SORCS2: variants seen among roughly 807,000 people sequenced by gnomAD.
The protein encoded by SORCS2 is VPS10 domain-containing receptor SorCS2.
In SORCS2, 100 loss-of-function variants were observed where a neutral mutation model predicts 141.6. The observed-to-expected ratio is 0.71, with a 90% CI of 0.60 to 0.83. SORCS2 has a LOEUF of 0.83. Ranked by LOEUF, SORCS2 falls within the 40% of genes least tolerant of loss-of-function variation. SORCS2 has a pLI of 0.00. For synonymous variants in SORCS2, 789 were observed against 676.9 expected, an observed-to-expected ratio of 1.17 and a Z score of -2.57; for missense variants, 1,646 against 1,560.2, an observed-to-expected ratio of 1.05 and a Z score of -0.93.
chr4:7,657,867 T>C (rs1721894965), intron 5 of SORCS2, among the ~76,000 whole-genome samples: 1 of 150,126 alleles, frequency 6.7e-6, no homozygotes, highest in Admixed American at 6.6e-5. Flanking sequence ...AGTGAATGAG[T>C]GAGTGAGTCA....
intron 1 of SORCS2, among the ~76,000 whole-genome samples, chr4:7,314,252 G>C (rs1718393671): frequency 6.6e-6 from 1 of 152,194 alleles, no homozygotes; most frequent in South Asian, 2.1e-4. Flanking sequence ...GGAGAACGAG[G>C]CAGCGGGATG....
intron 2 of SORCS2, among the ~76,000 whole-genome samples, chr4:7,462,072 G>A (rs1729348409): frequency 6.6e-6 from 1 of 152,230 alleles, no homozygotes; most frequent in Non-Finnish European, 1.5e-5. Context: ...GTGCAAGTGA[G>A]TGTAAGGGAG....
At position 7,572,873 on chromosome 4, in the gene SORCS2, A is replaced by G. The variant is rs1243484266; in HGVS notation, c.648+41244A>G. On this transcript the variant is annotated intron_variant, in intron 3 of 26. Transcript: ENST00000507866. ...AAGAGGTTAAGAAATTTTTATTTCCAGGATTTTAAGGACTGCACGTTTGAG... is the reference window on the plus strand; with the variant it reads ...AAGAGGTTAAGAAATTTTTATTTCCGGGATTTTAAGGACTGCACGTTTGAG... Among the ~76,000 whole-genome samples the G allele has an allele frequency of 6.6e-5, 10 of 152,386 alleles. No individual in the cohort carries two copies. The East Asian group carries it at 1.9e-3, about 29-fold the overall frequency.
At chr4:7,346,392 C>T (rs971264994) in intron 1 of SORCS2, among the ~76,000 whole-genome samples, 6 of 152,194 alleles carry the variant, frequency 3.9e-5, no homozygotes, top group African/African-American at 4.8e-5. Flanking sequence ...CCATTATGAT[C>T]AGAGAACATA....
intron 3 of SORCS2, among the ~76,000 whole-genome samples, chr4:7,608,066 C>T (rs542767515): frequency 6.6e-6 from 1 of 152,248 alleles, no homozygotes; most frequent in African/African-American, 2.4e-5. Flanking sequence ...AAGGAGGCCT[C>T]CACAGTGCCC....
At chr4:7,604,062 G>C (rs1262281931) in intron 3 of SORCS2, among the ~76,000 whole-genome samples, 1 of 152,158 alleles carries the variant, frequency 6.6e-6, no homozygotes, top group Non-Finnish European at 1.5e-5. Flanking sequence ...TGCTGTGTGT[G>C]TGTCGTGTGA....
intron 1 of SORCS2, among the ~76,000 whole-genome samples, chr4:7,238,391 T>C (rs1458952965): frequency 6.6e-6 from 1 of 152,190 alleles, no homozygotes; most frequent in East Asian, 1.9e-4. Context: ...TTAAATTTTT[T>C]TTAAGGTATA....
chr4:7,655,922 C>T (rs906811830), intron 5 of SORCS2, among the ~76,000 whole-genome samples: 2 of 152,210 alleles, frequency 1.3e-5, no homozygotes, highest in African/African-American at 2.4e-5. Context: ...ATAATTCAAA[C>T]GTGTTATTAT....
chr4:7,724,621 A>ATGGTGATGG (rs1484502315), intron 19 of SORCS2, among the ~76,000 whole-genome samples: 1 of 52,482 alleles, frequency 1.9e-5, no homozygotes, highest in African/African-American at 8.4e-5. Flanking sequence ...GCTGGTGAGG[A>ATGGTGATGG]TGGTGATGGT....
chr4:7,589,530 G>A (rs71601863), intron 3 of SORCS2, among the ~76,000 whole-genome samples: 9 of 152,158 alleles, frequency 5.9e-5, no homozygotes, highest in Non-Finnish European at 1.0e-4. Context: ...AGCCTCCCAA[G>A]TAGCTGGGAC....
chr4:7,676,166 G>A lies in SORCS2; in HGVS notation c.1278G>A (p.Leu426=), dbSNP rs1403773971. ...QSDPRGVRYA[L]VLQDVRSSRQ... Reference sequence around the variant, plus strand: ...ACCCACGGGGCGTGCGCTACGCGCTGGTGCTGCAGGACGTGCGCAGCTCAC... The same window carrying A: ...ACCCACGGGGCGTGCGCTACGCGCTAGTGCTGCAGGACGTGCGCAGCTCAC... Residue 426 remains leucine, a synonymous_variant, in exon 9 of 27, where the codon CTG becomes CTA. Transcript: ENST00000507866. 6.4e-7 allele frequency: 1 copy of A among 1,558,584 alleles called. No homozygotes were observed. The highest frequency in any genetic ancestry group is 1.9e-5 in the Admixed American group (1 of 51,848).
intron 1 of SORCS2, among the ~76,000 whole-genome samples, chr4:7,263,901 G>A (rs545604329): frequency 4.6e-5 from 7 of 152,184 alleles, no homozygotes; most frequent in Admixed American, 2.0e-4. Context: ...CGTTCCCACC[G>A]TGGGCCGTGG....
chr4:7,627,807 C>T (rs1683903335), intron 3 of SORCS2, among the ~76,000 whole-genome samples: 1 of 152,336 alleles, frequency 6.6e-6, no homozygotes, highest in Admixed American at 6.5e-5. Flanking sequence ...CAGCCATTCA[C>T]CAGTGTTGGT....
intron 5 of SORCS2, among the ~76,000 whole-genome samples, chr4:7,660,241 A>G (rs894382698): frequency 1.3e-5 from 2 of 152,178 alleles, no homozygotes; most frequent in African/African-American, 4.8e-5. Flanking sequence ...CAGGGCAATG[A>G]AACGGGGAGG....
intron 2 of SORCS2, among the ~76,000 whole-genome samples, chr4:7,416,872 TCAGA>T (rs944117741): frequency 4.6e-5 from 7 of 151,266 alleles, no homozygotes; most frequent in African/African-American, 9.7e-5. Context: ...TTGTGCATGC[TCAGA>T]CACACACATA....
intron 3 of SORCS2, among the ~76,000 whole-genome samples, chr4:7,556,760 C>G (rs562601672): frequency 6.6e-6 from 1 of 151,280 alleles, no homozygotes; most frequent in African/African-American, 2.4e-5. Flanking sequence ...CTACCTACCA[C>G]CCATTCACCC....
At chr4:7,724,636 A>ATGG (rs1425685131) in intron 19 of SORCS2, among the ~76,000 whole-genome samples, 3 of 128,276 alleles carry the variant, frequency 2.3e-5, no homozygotes, top group Non-Finnish European at 4.9e-5. Flanking sequence ...GATGGTGGTG[A>ATGG]TGGTGGAGGT....
intron 1 of SORCS2, among the ~76,000 whole-genome samples, chr4:7,395,936 C>T (rs1724182058): frequency 6.6e-6 from 1 of 152,200 alleles, no homozygotes; most frequent in Non-Finnish European, 1.5e-5. Context: ...GCTCCATCCT[C>T]ACATAGGGAC....
At chr4:7,665,675 T>C (rs2108927533) in intron 7 of SORCS2, among the ~76,000 whole-genome samples, 1 of 152,298 alleles carries the variant, frequency 6.6e-6, no homozygotes, top group East Asian at 1.9e-4. Flanking sequence ...TCCCTACACC[T>C]GACTCAGGCA....
Sources: allele counts gnomAD v4.1 joint callset (sites outside exome capture counted in the v4.1 genomes callset), GRCh38; gene constraint gnomAD v4.1.1; transcripts MANE v1.5; gene names NCBI Gene and HGNC (gene_info 2026-07-23, HGNC 2026-07-21).